NLRP7: variants seen among roughly 807,000 people sequenced by gnomAD.
The protein encoded by NLRP7 is NLR family pyrin domain containing 7.
NLRP7 carries 72 observed loss-of-function variants against 85.5 expected under a neutral mutation model. The ratio of observed to expected loss-of-function variants is 0.84; its 90% CI spans 0.70 to 1.02. The LOEUF is 1.02. NLRP7 is among the 50% of genes least tolerant of loss of function. The pLI, the probability that NLRP7 is intolerant of heterozygous loss-of-function variation, is 0.00. For missense variants in NLRP7, 1,243 were observed against 1,219.5 expected, an observed-to-expected ratio of 1.02 and a Z score of -0.29; for synonymous variants, 550 against 505.2, an observed-to-expected ratio of 1.09 and a Z score of -1.19.
intron 9 of NLRP7, among the ~76,000 whole-genome samples, chr19:54,928,205 A>G (rs1434846988): frequency 1.3e-5 from 2 of 152,120 alleles, no homozygotes; most frequent in Non-Finnish European, 2.9e-5. Context: ...GGGCAATAGA[A>G]TGAGACTCCA....
At chr19:54,929,943 C>G (rs1237200649) in intron 9 of NLRP7, among the ~76,000 whole-genome samples, 1 of 148,470 alleles carries the variant, frequency 6.7e-6, no homozygotes, top group East Asian at 2.0e-4. Context: ...TGAAACCCAT[C>G]TCTACTAAAA....
chr19:54,934,425 T>C lies in NLRP7; in HGVS notation c.2471+64A>G. 5.8e-6 allele frequency: 9 copies of C among 1,550,024 alleles called. No homozygotes were observed. Among genetic ancestry groups the C allele is most frequent in the Non-Finnish European group, 8.0e-6 (9 of 1,121,546 alleles). ...CGTGGGTGGCGCAGTAAGTCAGGTG[T>C]TACCCTTTCTCTTCTATAGCCCCAG... On this transcript the variant is annotated intron_variant, in intron 7 of 9. Coordinates refer to ENST00000340844, the Ensembl canonical transcript of NLRP7. The surrounding 1 kb of genome is among the most constrained non-coding windows in gnomAD (Gnocchi z 6.7).
chr19:54,923,768 G>A (rs2068317417), exon 10 of NLRP7: 2 of 1,613,702 alleles, frequency 1.2e-6, no homozygotes, highest in Non-Finnish European at 8.5e-7. Context: ...GCACGGAGGT[G>A]CCGTTGCCCC....
upstream of NLRP7, among the ~76,000 whole-genome samples, chr19:54,952,455 G>A (rs538177119): frequency 5.9e-4 from 90 of 152,104 alleles, no homozygotes; most frequent in Middle Eastern, 3.4e-3. Context: ...TTAGTCGGGC[G>A]TGGTAGCGGG....
upstream of NLRP7, among the ~76,000 whole-genome samples, chr19:54,950,695 T>C (rs978982923): frequency 6.6e-6 from 1 of 150,660 alleles, no homozygotes; most frequent in Non-Finnish European, 1.5e-5. Flanking sequence ...TCTCAGTATA[T>C]GGAATATACA....
intron 9 of NLRP7, among the ~76,000 whole-genome samples, chr19:54,929,045 C>T (rs1320462740): frequency 6.6e-6 from 1 of 152,092 alleles, no homozygotes; most frequent in East Asian, 1.9e-4. Flanking sequence ...TGGCTTGAGG[C>T]TTGAAATATT....
chr19:54,947,147 A>T (rs893779215), intron 1 of NLRP7, among the ~76,000 whole-genome samples: 4 of 152,072 alleles, frequency 2.6e-5, no homozygotes. Context: ...CAACATGGTG[A>T]GACCCCGTCT....
intron 6 of NLRP7, among the ~76,000 whole-genome samples, chr19:54,935,633 C>T (rs2068884482): frequency 6.7e-6 from 1 of 148,958 alleles, no homozygotes; most frequent in Admixed American, 6.8e-5. Flanking sequence ...GCGGAGGTTG[C>T]AGTGAACGAG....
chr19:54,950,360 CACAG>C (rs1207952503), upstream of NLRP7, among the ~76,000 whole-genome samples: 6 of 152,170 alleles, frequency 3.9e-5, no homozygotes, highest in South Asian at 4.1e-4. Flanking sequence ...AAGAAAGAGA[CACAG>C]ACAAAGTATA....
rs269951 is a variant in NLRP7 at position 54,930,627 on chromosome 19, A to T, written c.2682T>A (p.Tyr894Ter). ...AGGCTTCTTGGAGCGCCTCTGAGAG[A>T]TATCTACAGCCAAGCTTGGTTATGC... The change falls in exon 9 of 10, where the codon TAT (tyrosine) becomes TAA (stop). Residue 894 changes from tyrosine (Y) to a stop codon, truncating the protein, a stop_gained. Transcript: ENST00000340844. LOFTEE classifies it high-confidence loss of function. 1 of 1,612,606 alleles carries T rather than the reference A, an allele frequency of 6.2e-7. No homozygotes were observed. Among genetic ancestry groups the T allele is most frequent in the Non-Finnish European group, 8.5e-7 (1 of 1,178,884 alleles).
At chr19:54,926,957 G>A (rs1469403945) in intron 9 of NLRP7, among the ~76,000 whole-genome samples, 1 of 150,646 alleles carries the variant, frequency 6.6e-6, no homozygotes, top group African/African-American at 2.4e-5. Flanking sequence ...AGCTGTGGTG[G>A]TGTGTACCTG....
intron 1 of NLRP7, among the ~76,000 whole-genome samples, chr19:54,962,267 A>AT (rs1456612942): frequency 1.8e-3 from 256 of 138,838 alleles, no homozygotes; most frequent in African/African-American, 6.7e-3. Flanking sequence ...TCCATCCCTC[A>AT]ATTTTTTTTT....
intron 1 of NLRP7, among the ~76,000 whole-genome samples, chr19:54,944,308 G>A (rs1425592081): frequency 6.6e-6 from 1 of 151,668 alleles, no homozygotes; most frequent in Non-Finnish European, 1.5e-5. Flanking sequence ...CTTAGGGCTG[G>A]AGGTGACACA....
rs746552549 is a variant in NLRP7, at chr19:54,941,603, C to T, written c.109G>A (p.Val37Met). The change falls in exon 2 of 10, where the codon GTG becomes ATG. Residue 37 changes from valine to methionine, a missense_variant. Val to Met is a conservative substitution (Grantham distance 21). Coordinates refer to ENST00000340844, the Ensembl canonical transcript of NLRP7. ...TCAGACCATGGGGTCTTCTGTAGCACGTCTTCGAGGGGAAAAGCCCATAAA... is the reference window on the plus strand; with the variant it reads ...TCAGACCATGGGGTCTTCTGTAGCATGTCTTCGAGGGGAAAAGCCCATAAA... The T allele has an allele frequency of 6.8e-6, 11 of 1,613,888 alleles. No individual in the cohort carries two copies. In the Middle Eastern group the frequency reaches 4.9e-4, roughly 72 times the overall value.
exon 6 of NLRP7, chr19:54,936,313 G>A: frequency 6.2e-7 from 1 of 1,614,026 alleles, no homozygotes; most frequent in Non-Finnish European, 8.5e-7. Context: ...CACAGCATCA[G>A]CATCATCGTG....
At chr19:54,926,084 A>G (rs1458422973) in intron 9 of NLRP7, among the ~76,000 whole-genome samples, 4 of 152,110 alleles carry the variant, frequency 2.6e-5, no homozygotes, top group African/African-American at 7.2e-5. Flanking sequence ...AAAAATACAA[A>G]TAAGTCATTG....
intron 1 of NLRP7, among the ~76,000 whole-genome samples, chr19:54,959,135 C>T (rs374286742): frequency 4.2e-4 from 60 of 143,892 alleles, no homozygotes; most frequent in Non-Finnish European, 8.6e-4. Context: ...TTGTTTTTTT[C>T]TTTTTCTTTT....
At chr19:54,935,503 C>G (rs574199240) in intron 6 of NLRP7, among the ~76,000 whole-genome samples, 2 of 152,196 alleles carry the variant, frequency 1.3e-5, no homozygotes, top group African/African-American at 4.8e-5. Context: ...CGAGACCAGC[C>G]TGGCCAACAT....
intron 8 of NLRP7, among the ~76,000 whole-genome samples, chr19:54,931,055 T>C (rs1183209951): frequency 6.6e-6 from 1 of 152,110 alleles, no homozygotes; most frequent in Non-Finnish European, 1.5e-5. Context: ...AAAGTATTTA[T>C]ATAAAACATA....
Sources: allele counts gnomAD v4.1 joint callset (sites outside exome capture counted in the v4.1 genomes callset), GRCh38; gene constraint gnomAD v4.1.1; non-coding constraint Gnocchi (gnomAD v3.1); transcripts MANE v1.5; gene names NCBI Gene and HGNC (gene_info 2026-07-23, HGNC 2026-07-21).